The following PTPRG variants were observed in gnomAD, a reference collection of about 807,000 sequenced individuals.
PTPRG encodes the protein receptor-type tyrosine-protein phosphatase gamma.
A neutral mutation model predicts 165.3 loss-of-function variants in PTPRG; 102 were observed. That is an observed-to-expected ratio of 0.62 (90% CI 0.53 to 0.73). The LOEUF (loss-of-function observed/expected upper bound fraction) is 0.73. Ranked by LOEUF, PTPRG falls within the 30% of genes least tolerant of loss-of-function variation. The pLI is 0.00. For synonymous variants in PTPRG, 675 were observed against 669.5 expected, an observed-to-expected ratio of 1.01 and a Z score of -0.13; for missense variants, 1,866 against 1,861.4, an observed-to-expected ratio of 1.00 and a Z score of -0.05.
At chr3:61,599,679 A>T (rs901752986) in intron 1 of PTPRG, among the ~76,000 whole-genome samples, 12 of 150,516 alleles carry the variant, frequency 8.0e-5, no homozygotes, top group Non-Finnish European at 1.2e-4. Flanking sequence ...TTTGTAGTAG[A>T]GACGGGGTTT....
intron 4 of PTPRG, among the ~76,000 whole-genome samples, chr3:62,048,238 T>C (rs963476236): frequency 9.2e-5 from 14 of 152,016 alleles, no homozygotes; most frequent in Non-Finnish European, 2.1e-4. Context: ...TTCCTAGAAT[T>C]AGAGAAAATA....
chr3:61,723,593 A>T (rs1053310573), intron 1 of PTPRG, among the ~76,000 whole-genome samples: 1 of 152,180 alleles, frequency 6.6e-6, no homozygotes, highest in Non-Finnish European at 1.5e-5. Flanking sequence ...AAATACCATT[A>T]ACTTTTAATT....
chr3:62,040,545 C>T (rs1422864535), intron 4 of PTPRG, among the ~76,000 whole-genome samples: 2 of 152,218 alleles, frequency 1.3e-5, no homozygotes, highest in African/African-American at 4.8e-5. Flanking sequence ...CCTCCACCTC[C>T]AGGGTTCAAG....
At chr3:61,825,139 G>A (rs1283159454) in intron 2 of PTPRG, among the ~76,000 whole-genome samples, 1 of 152,154 alleles carries the variant, frequency 6.6e-6, no homozygotes, top group South Asian at 2.1e-4. Context: ...ATCAGTAAAT[G>A]TACTCCTGAA....
At chr3:61,834,705 C>A (rs150254653) in intron 2 of PTPRG, among the ~76,000 whole-genome samples, 4,293 of 152,096 alleles carry the variant, frequency 0.028, 230 homozygotes, top group African/African-American at 0.098. Context: ...CCCAACTACT[C>A]AGGAAGCTGA....
At chr3:61,793,122 A>G (rs796184093) in intron 2 of PTPRG, among the ~76,000 whole-genome samples, 2 of 152,190 alleles carry the variant, frequency 1.3e-5, no homozygotes, top group Non-Finnish European at 2.9e-5. Flanking sequence ...TATTGGATGC[A>G]TGTCAGGATT....
chr3:61,850,202 A>T (rs1368756622), intron 2 of PTPRG, among the ~76,000 whole-genome samples: 1 of 151,828 alleles, frequency 6.6e-6, no homozygotes, highest in Non-Finnish European at 1.5e-5. Flanking sequence ...TTGCTCTTTC[A>T]CCCCTGCTGG....
At chr3:61,982,660 T>TG (rs1403968687) in intron 2 of PTPRG, among the ~76,000 whole-genome samples, 4 of 152,230 alleles carry the variant, frequency 2.6e-5, no homozygotes, top group African/African-American at 9.6e-5. Context: ...TAGCCATTAT[T>TG]GCCATCTTTA....
chr3:62,040,862 C>T (rs1700104458), intron 4 of PTPRG, among the ~76,000 whole-genome samples: 1 of 152,216 alleles, frequency 6.6e-6, no homozygotes, highest in African/African-American at 2.4e-5. Context: ...TGGGTGTGGC[C>T]TCTGCATATA....
intron 4 of PTPRG, among the ~76,000 whole-genome samples, chr3:62,021,082 C>T (rs2107760318): frequency 6.6e-6 from 1 of 152,246 alleles, no homozygotes; most frequent in South Asian, 2.1e-4. Context: ...ATCTGTTGAA[C>T]TTGTTCCCTC....
At chr3:62,152,975 T>TTAATTA (rs1704391273) in intron 6 of PTPRG, among the ~76,000 whole-genome samples, 1 of 152,226 alleles carries the variant, frequency 6.6e-6, no homozygotes, top group Non-Finnish European at 1.5e-5. Flanking sequence ...TTAAGTGAAA[T>TTAATTA]GTTATTCCCC....
chr3:61,999,428 C>A (rs142381888), intron 3 of PTPRG, among the ~76,000 whole-genome samples: 1 of 152,124 alleles, frequency 6.6e-6, no homozygotes, highest in Non-Finnish European at 1.5e-5. Flanking sequence ...AAGGCCCTGA[C>A]GCATCATACC....
chr3:62,277,795 A>G (rs1702281217), intron 26 of PTPRG, 116 bp downstream of exon 26: 1 of 1,308,316 alleles, frequency 7.6e-7, no homozygotes, highest in Admixed American at 2.3e-5. Context: ...GGAATTTAAA[A>G]TTTTTAAATT....
chr3:61,843,964 CTTT>C (rs11310810), intron 2 of PTPRG, among the ~76,000 whole-genome samples: 27 of 122,052 alleles, frequency 2.2e-4, no homozygotes, highest in African/African-American at 2.1e-4. Flanking sequence ...TTTTACAACT[CTTT>C]TTTTTTTTTT....
At chr3:61,681,978 T>G (rs1453823569) in intron 1 of PTPRG, among the ~76,000 whole-genome samples, 17 of 151,702 alleles carry the variant, frequency 1.1e-4, no homozygotes, top group Admixed American at 1.1e-3. Flanking sequence ...AGTGAAAACT[T>G]TTCGCTACTA....
chr3:61,802,850 G>A (rs1476532815), intron 2 of PTPRG, among the ~76,000 whole-genome samples: 1 of 152,076 alleles, frequency 6.6e-6, no homozygotes, highest in East Asian at 1.9e-4. Flanking sequence ...CAGTATAAAG[G>A]TAATTCAAGT....
chr3:61,848,330 C>T (rs147601663), intron 2 of PTPRG, among the ~76,000 whole-genome samples: 42 of 152,348 alleles, frequency 2.8e-4, no homozygotes, highest in Non-Finnish European at 2.9e-5. Flanking sequence ...TTGCCCTAGG[C>T]AGGCTCTGTA....
At chr3:62,128,454 C>G (rs1248638646) in intron 5 of PTPRG, among the ~76,000 whole-genome samples, 1 of 152,018 alleles carries the variant, frequency 6.6e-6, no homozygotes, top group Non-Finnish European at 1.5e-5. Flanking sequence ...GGAGATATTA[C>G]TTTCAGAGCC....
In PTPRG at chr3:61,600,992, C is replaced by T. The variant is rs965042455; in HGVS notation, c.85+38620C>T. ...TTTTTGGGCCAGATGTGGTGGCTCA[C>T]GCCTGTGACCCCAGCACTCTGGGAG... On this transcript the variant is annotated intron_variant, in intron 1 of 29. Transcript: ENST00000474889. 5.3e-5 allele frequency among the ~76,000 whole-genome samples: 8 copies of T among 152,340 alleles called. No homozygotes were observed. The South Asian group carries it at 1.5e-3, about 28-fold the overall frequency.
Sources: gnomAD v4.1 joint callset for allele counts (sites outside exome capture counted in the v4.1 genomes callset) on GRCh38, gnomAD v4.1.1 for gene constraint, MANE v1.5 for transcripts, NCBI Gene and HGNC (gene_info 2026-07-23, HGNC 2026-07-21) for gene names.